The following MTFR1 variants were observed in gnomAD, a reference collection of about 807,000 sequenced individuals.
The protein encoded by MTFR1 is chondrocyte protein with a poly-proline region.
MTFR1 carries 28 observed loss-of-function variants against 38.8 expected under a neutral mutation model. The observed-to-expected ratio is 0.72, with a 90% CI of 0.53 to 0.99. MTFR1 has a LOEUF of 0.99. Ranked by LOEUF, MTFR1 falls within the 50% of genes least tolerant of loss-of-function variation. The probability of loss-of-function intolerance (pLI) is 0.00; values close to 1 mark genes in which losing one functional copy is unlikely to be tolerated. For missense variants in MTFR1, 358 were observed against 395.5 expected, an observed-to-expected ratio of 0.91 and a Z score of 0.81; for synonymous variants, 145 against 137.0, an observed-to-expected ratio of 1.06 and a Z score of -0.41.
At chr8:65,777,541 TG>T in the MTFR1 span, among the ~76,000 whole-genome samples, 1 of 152,222 alleles carries the variant, frequency 6.6e-6, no homozygotes, top group Non-Finnish European at 1.5e-5. Flanking sequence ...TCTATATTCA[TG>T]AGCGATTTGG....
chr8:65,689,514 GA>G (rs914966075), intron 3 of MTFR1: 44 of 1,151,308 alleles, frequency 3.8e-5, no homozygotes, highest in Middle Eastern at 6.5e-4. Flanking sequence ...ATGTGATTTT[GA>G]AAAAAAATTT....
chr8:65,681,371 T>C (rs2129053368), intron 2 of MTFR1, among the ~76,000 whole-genome samples: 1 of 152,190 alleles, frequency 6.6e-6, no homozygotes, highest in East Asian at 1.9e-4. Context: ...CCGCCCATTT[T>C]GGTGTCCCAA....
intron 1 of MTFR1, among the ~76,000 whole-genome samples, chr8:65,648,339 C>T (rs1357592911): frequency 1.3e-5 from 2 of 151,978 alleles, no homozygotes; most frequent in African/African-American, 4.8e-5. Context: ...TATTTGCAAG[C>T]ACTTTATATT....
chr8:65,681,203 C>T (rs528756321), intron 2 of MTFR1, among the ~76,000 whole-genome samples: 61 of 151,896 alleles, frequency 4.0e-4, no homozygotes, highest in African/African-American at 1.3e-3. Flanking sequence ...TGAGCCACCG[C>T]GCCCGGCCTG....
At chr8:65,714,449 A>G (rs73240751), downstream of MTFR1, 16,700 of 152,088 alleles carry the variant, frequency 0.11, 1,141 homozygotes, top group Middle Eastern at 0.17. Flanking sequence ...CTCACTCCCA[A>G]GTGGTGGTCA....
At chr8:65,670,411 GTAAGT>G (rs1804535722) in intron 2 of MTFR1, among the ~76,000 whole-genome samples, 1 of 152,018 alleles carries the variant, frequency 6.6e-6, no homozygotes, top group South Asian at 2.1e-4. Flanking sequence ...TGTTTAAAAG[GTAAGT>G]TATGTCTCTT....
Position 65,669,892 on chromosome 8 carries a change from G to A in MTFR1, c.-61G>A. The A allele has an allele frequency of 7.8e-7, 1 of 1,285,804 alleles. No homozygotes were observed. Among genetic ancestry groups the A allele is most frequent in the Non-Finnish European group, 1.1e-6 (1 of 899,538 alleles). The allele number at this position is 1,285,804 out of a possible 1,614,324, so 79.6% of individuals were successfully genotyped here. A position where few individuals can be genotyped will look rare whatever the true frequency, so the allele number is the denominator to read the frequency against. ...TTTCAGTGTGTTTTATGGACCATGT[G>A]CTGCTATGTATGCCTGAAGAAGTAC... On this transcript the variant is annotated 5_prime_UTR_variant, in exon 2 of 8. Transcript: ENST00000262146.
chr8:65,702,907 G>T (rs1805658613), intron 4 of MTFR1, among the ~76,000 whole-genome samples: 1 of 152,106 alleles, frequency 6.6e-6, no homozygotes, highest in African/African-American at 2.4e-5. Flanking sequence ...AAGAGAGCTA[G>T]ATAATTCAGT....
chr8:65,774,344 TA>T (rs1809197459), downstream of MTFR1, among the ~76,000 whole-genome samples: 1 of 152,172 alleles, frequency 6.6e-6, no homozygotes, highest in Non-Finnish European at 1.5e-5. Flanking sequence ...ATTTGCTTTA[TA>T]AAATTACTCT....
intron 1 of MTFR1, among the ~76,000 whole-genome samples, chr8:65,645,896 C>T (rs573926883): frequency 6.6e-6 from 1 of 152,286 alleles, no homozygotes; most frequent in African/African-American, 2.4e-5. Flanking sequence ...ATTTCTATGC[C>T]TCTGTCATGA....
the MTFR1 span, among the ~76,000 whole-genome samples, chr8:65,777,077 C>CTTTT: frequency 2.7e-4 from 24 of 90,446 alleles, no homozygotes; most frequent in Non-Finnish European, 3.5e-4. Context: ...TTATCAAATG[C>CTTTT]TTTTTTTTTT....
intron 3 of MTFR1, among the ~76,000 whole-genome samples, chr8:65,763,293 G>A (rs1274927807): frequency 2.0e-5 from 3 of 152,034 alleles, no homozygotes; most frequent in Non-Finnish European, 4.4e-5. Flanking sequence ...GGTTACATAC[G>A]GTGGCTCACG....
In MTFR1 at chr8:65,762,715, A is replaced by AT. The variant is rs201855355; in HGVS notation, c.*49-8224dup. 6.7e-3 allele frequency among the ~76,000 whole-genome samples: 1,016 copies of AT among 151,040 alleles called. 12 individuals carry two copies. The highest frequency in any genetic ancestry group is 0.023 in the African/African-American group (961 of 41,442). On this transcript the variant is annotated intron_variant, in intron 3 of 3. Transcript: ENST00000521247. ...CAAATATTTTTAAATATGTCATACC[A>AT]TTTTTTTTAACAAAACCAGATTTAT...
intron 2 of MTFR1, among the ~76,000 whole-genome samples, chr8:65,677,581 C>T (rs1446396404): frequency 4.0e-5 from 6 of 151,100 alleles, no homozygotes; most frequent in African/African-American, 1.5e-4. Flanking sequence ...AGGGTTTCAC[C>T]GTGTTACCCA....
intron 3 of MTFR1, among the ~76,000 whole-genome samples, chr8:65,742,882 C>A (rs1342199203): frequency 6.6e-6 from 1 of 152,094 alleles, no homozygotes; most frequent in African/African-American, 2.4e-5. Flanking sequence ...AGTTAGCCAC[C>A]CTGTCCACAA....
chr8:65,660,675 A>G (rs1364467786), intron 1 of MTFR1, among the ~76,000 whole-genome samples: 1 of 152,160 alleles, frequency 6.6e-6, no homozygotes, highest in Admixed American at 6.5e-5. Flanking sequence ...AATCCCTCAT[A>G]ATAAATCTGT....
intron 1 of MTFR1, among the ~76,000 whole-genome samples, chr8:65,654,831 C>G (rs1322194317): frequency 1.3e-5 from 2 of 152,128 alleles, no homozygotes; most frequent in Non-Finnish European, 2.9e-5. Context: ...CCTGCCTCAG[C>G]CTCCCAAAAT....
intron 1 of MTFR1, among the ~76,000 whole-genome samples, chr8:65,655,951 A>AATATATATATATATATGTATAT (rs1554545339): frequency 1.8e-5 from 1 of 55,376 alleles, no homozygotes; most frequent in Admixed American, 1.8e-4. Flanking sequence ...TAAAAAAAAA[A>AATATATATATATATATGTATAT]ATATATATAT....
At chr8:65,668,609 C>T (rs1346995164) in intron 1 of MTFR1, among the ~76,000 whole-genome samples, 2 of 147,896 alleles carry the variant, frequency 1.4e-5, no homozygotes, top group African/African-American at 5.0e-5. Context: ...CGCCTACTGG[C>T]TTCAAGCGAT....
Sources: gnomAD v4.1 joint callset for allele counts (sites outside exome capture counted in the v4.1 genomes callset) on GRCh38, gnomAD v4.1.1 for gene constraint, MANE v1.5 for transcripts, NCBI Gene and HGNC (gene_info 2026-07-23, HGNC 2026-07-21) for gene names.